Variants in CPAP observed in about 807,000 individuals in gnomAD.
CPAP encodes the protein centrosome assembly and centriole elongation protein.
At chr13:24,890,197 A>G in the CPAP span, among the ~76,000 whole-genome samples, 1 of 152,242 alleles carries the variant, frequency 6.6e-6, no homozygotes, top group African/African-American at 2.4e-5. Flanking sequence ...CAAATGGTTC[A>G]GTGAAACATA....
the CPAP span, chr13:24,906,670 C>G: frequency 6.2e-7 from 1 of 1,614,130 alleles, no homozygotes; most frequent in Non-Finnish European, 8.5e-7. Flanking sequence ...GCATTTTCGG[C>G]TTCTGACTGA....
chr13:24,905,321 C>T, the CPAP span: 2 of 1,600,748 alleles, frequency 1.2e-6, no homozygotes, highest in African/African-American at 2.7e-5. Context: ...CATTCTGATA[C>T]ATATTTTATA....
the CPAP span, among the ~76,000 whole-genome samples, chr13:24,901,228 G>C: frequency 6.6e-6 from 1 of 152,194 alleles, no homozygotes; most frequent in Non-Finnish European, 1.5e-5. Context: ...AGGAATACTT[G>C]TGGCACATTT....
At chr13:24,910,357 G>A in the CPAP span, among the ~76,000 whole-genome samples, 1 of 152,318 alleles carries the variant, frequency 6.6e-6, no homozygotes, top group South Asian at 2.1e-4. Context: ...CTGAGTAGCT[G>A]GGATTACAGG....
the CPAP span, among the ~76,000 whole-genome samples, chr13:24,896,400 G>A: frequency 6.6e-6 from 1 of 152,246 alleles, no homozygotes; most frequent in Non-Finnish European, 1.5e-5. Context: ...GGTGCAGTGT[G>A]GCAGCCACCA....
chr13:24,896,965 A>G, the CPAP span, among the ~76,000 whole-genome samples: 2 of 152,276 alleles, frequency 1.3e-5, no homozygotes, highest in African/African-American at 4.8e-5. Flanking sequence ...CAGCCATACT[A>G]AATTTGTAAC....
At chr13:24,883,845 T>C in the CPAP span, 1 of 1,105,686 alleles carries the variant, frequency 9.0e-7, no homozygotes, top group African/African-American at 1.5e-5. Flanking sequence ...TCATTCAAAC[T>C]GAACCCCCTA....
the CPAP span, chr13:24,933,357 T>C: frequency 9.6e-6 from 4 of 416,496 alleles, no homozygotes; most frequent in Non-Finnish European, 1.7e-5. Flanking sequence ...GCAGGACAAT[T>C]CCACATGTCC....
chr13:24,894,951 G>A, the CPAP span, among the ~76,000 whole-genome samples: 6 of 152,092 alleles, frequency 3.9e-5, no homozygotes, highest in African/African-American at 1.2e-4. Flanking sequence ...GACCTGCGGG[G>A]TGAAGCCAGC....
the CPAP span, chr13:24,913,094 G>C: frequency 7.1e-7 from 1 of 1,406,546 alleles, no homozygotes; most frequent in Non-Finnish European, 1.0e-6. Context: ...TCCAACACCT[G>C]TAGACAAAAA....
chr13:24,887,745 A>C, the CPAP span, among the ~76,000 whole-genome samples: 1 of 152,324 alleles, frequency 6.6e-6, no homozygotes, highest in African/African-American at 2.4e-5. Context: ...CCCTTACCCC[A>C]GTCCATGGAA....
the CPAP span, among the ~76,000 whole-genome samples, chr13:24,928,531 A>G: frequency 1.5e-4 from 23 of 152,170 alleles, no homozygotes; most frequent in African/African-American, 2.4e-4. Context: ...CCCGAGTTCA[A>G]GTGATTCTCC....
the CPAP span, chr13:24,886,363 C>T: frequency 3.9e-6 from 5 of 1,289,164 alleles, no homozygotes; most frequent in South Asian, 2.5e-5. Context: ...AGCTGCTGGG[C>T]GTGTGAGGCG....
chr13:24,899,916 C>T, the CPAP span, among the ~76,000 whole-genome samples: 1 of 151,464 alleles, frequency 6.6e-6, no homozygotes, highest in Non-Finnish European at 1.5e-5. Flanking sequence ...GAGCTGTGAT[C>T]GCACCACTGT....
chr13:24,909,677 G>T, the CPAP span: 1 of 996,970 alleles, frequency 1.0e-6, no homozygotes, highest in Non-Finnish European at 1.5e-6. Context: ...GAGCAACACG[G>T]CAACACTCCA....
chr13:24,894,689 G>A, the CPAP span, among the ~76,000 whole-genome samples: 5 of 152,206 alleles, frequency 3.3e-5, no homozygotes, highest in African/African-American at 1.2e-4. Flanking sequence ...TGGGAAGGCT[G>A]GGGGCAGAAC....
the CPAP span, chr13:24,884,002 T>C: frequency 1.8e-5 from 29 of 1,614,078 alleles, no homozygotes; most frequent in East Asian, 6.0e-4. Context: ...GAAAATGCTT[T>C]CTTCTTGTCC....
chr13:24,914,104 A>G, the CPAP span, among the ~76,000 whole-genome samples: 1 of 152,156 alleles, frequency 6.6e-6, no homozygotes. Flanking sequence ...TGCAAAGGGG[A>G]AAAATAAAAG....
the CPAP span, chr13:24,912,830 T>C: frequency 6.2e-7 from 1 of 1,614,240 alleles, no homozygotes; most frequent in South Asian, 1.1e-5. Flanking sequence ...TTTATAAAGC[T>C]GAAGCTATCA....
Sources: gnomAD v4.1 joint callset for allele counts (sites outside exome capture counted in the v4.1 genomes callset) on GRCh38, gnomAD v4.1.1 for gene constraint, MANE v1.5 for transcripts, NCBI Gene and HGNC (gene_info 2026-07-23, HGNC 2026-07-21) for gene names.